Variants in KIF26B observed in about 807,000 individuals in gnomAD.
The protein encoded by KIF26B is kinesin-like protein KIF26B.
In KIF26B, 63 loss-of-function variants were observed where a neutral mutation model predicts 151.2. That is an observed-to-expected ratio of 0.42 (90% CI 0.34 to 0.51). The LOEUF is 0.51. Ranked by LOEUF, KIF26B falls within the 20% of genes least tolerant of loss-of-function variation. The pLI is 0.07. For synonymous variants in KIF26B, 1,357 were observed against 1,262.1 expected, an observed-to-expected ratio of 1.08 and a Z score of -1.59; for missense variants, 2,813 against 2,913.6, an observed-to-expected ratio of 0.97 and a Z score of 0.79.
chr1:245,580,964 C>T (rs2043169818), intron 5 of KIF26B, among the ~76,000 whole-genome samples: 1 of 152,220 alleles, frequency 6.6e-6, no homozygotes, highest in African/African-American at 2.4e-5. Context: ...ATTAGAATGA[C>T]GCAGACCCGA....
chr1:245,407,384 T>G (rs1476326760), intron 3 of KIF26B, among the ~76,000 whole-genome samples: 2 of 152,178 alleles, frequency 1.3e-5, no homozygotes, highest in African/African-American at 4.8e-5. Context: ...GATGAACAAT[T>G]ACTGGTTTTC....
chr1:245,688,955 T>C (rs562971641), intron 12 of KIF26B, 148 bp downstream of exon 12: 2 of 1,069,408 alleles, frequency 1.9e-6, no homozygotes, highest in Admixed American at 3.1e-5. Flanking sequence ...CAAACCCCAC[T>C]GCCAGGGTGT....
At chr1:245,292,819 A>G (rs1211700422) in intron 2 of KIF26B, among the ~76,000 whole-genome samples, 1 of 152,168 alleles carries the variant, frequency 6.6e-6, no homozygotes, top group Non-Finnish European at 1.5e-5. Context: ...TCGCTGGGTC[A>G]CAGAAGCAAT....
intron 12 of KIF26B, among the ~76,000 whole-genome samples, chr1:245,694,358 C>T (rs1490487561): frequency 6.6e-6 from 1 of 152,208 alleles, no homozygotes; most frequent in Non-Finnish European, 1.5e-5. Context: ...GACTGTCTTC[C>T]TAGTGCCTAC....
At chr1:245,173,751 TC>T (rs953854607) in intron 2 of KIF26B, among the ~76,000 whole-genome samples, 6 of 151,508 alleles carry the variant, frequency 4.0e-5, no homozygotes, top group Middle Eastern at 3.4e-3. Context: ...GATGCAGGAG[TC>T]CCCCCCACCT....
At chr1:245,211,498 A>G (rs1292058310) in intron 2 of KIF26B, among the ~76,000 whole-genome samples, 3 of 152,014 alleles carry the variant, frequency 2.0e-5, no homozygotes, top group Admixed American at 6.6e-5. Context: ...CCTAGACTCA[A>G]GCAATCCTCC....
intron 9 of KIF26B, among the ~76,000 whole-genome samples, chr1:245,632,803 G>A (rs540381192): frequency 1.3e-5 from 2 of 152,338 alleles, no homozygotes; most frequent in East Asian, 3.9e-4. Flanking sequence ...AGCTACTCCG[G>A]AGGCCAAGGT....
chr1:245,440,219 T>TAA (rs1244957440), intron 4 of KIF26B, among the ~76,000 whole-genome samples: 11 of 130,158 alleles, frequency 8.5e-5, no homozygotes, highest in African/African-American at 5.7e-5. Flanking sequence ...AGACTCTGCC[T>TAA]AAAAAAAAAA....
chr1:245,538,613 C>T (rs1010881990), intron 4 of KIF26B, among the ~76,000 whole-genome samples: 4 of 152,112 alleles, frequency 2.6e-5, no homozygotes, highest in Non-Finnish European at 5.9e-5. Flanking sequence ...CAGTATCACT[C>T]CCTTCCCCTG....
chr1:245,288,972 G>C (rs943155101), intron 2 of KIF26B, among the ~76,000 whole-genome samples: 1 of 152,100 alleles, frequency 6.6e-6, no homozygotes, highest in African/African-American at 2.4e-5. Context: ...CTATGACACA[G>C]GCAGCTAACA....
At chr1:245,392,198 T>C (rs917909629) in intron 3 of KIF26B, among the ~76,000 whole-genome samples, 1 of 152,152 alleles carries the variant, frequency 6.6e-6, no homozygotes, top group Non-Finnish European at 1.5e-5. Flanking sequence ...TTACGAAACA[T>C]GAAGGGGTAG....
chr1:245,367,193 T>A lies in KIF26B; in HGVS notation c.825T>A (p.Asn275Lys), dbSNP rs1230905751. 1.2e-6 allele frequency: 2 copies of A among 1,608,910 alleles called. No individual in the cohort carries two copies. Among genetic ancestry groups the A allele is most frequent in the Non-Finnish European group, 1.7e-6 (2 of 1,177,790 alleles). The stretch of plus-strand genomic sequence containing the variant: ...AACCCAGCAGCCTTGGGGTCAGCAA[T>A]GGGGCGGAAAAGAAGAGCGGGTCCC... ...GSKPSSLGVSNGAEKKSGSPT... is the reference protein window; with the variant it reads ...GSKPSSLGVSKGAEKKSGSPT... Residue 275 changes from asparagine (N) to lysine (K), a missense_variant, in exon 3 of 15, where the codon AAT (asparagine) becomes AAA (lysine). Asn to Lys is a moderately conservative substitution (Grantham distance 94, BLOSUM62 0). Coordinates refer to ENST00000407071, the MANE Select transcript of KIF26B (RefSeq NM_018012.4). This position sits in a 1 kb window ranked among gnomAD's most constrained non-coding sequence, Gnocchi z 4.2.
Position 245,698,757 on chromosome 1 carries a change from G to T in KIF26B, c.6028-130G>T, listed in dbSNP as rs1028124335. The T allele has an allele frequency of 2.9e-5, 32 of 1,113,842 alleles. No individual in the cohort carries two copies. Among genetic ancestry groups the T allele is most frequent in the Middle Eastern group, 5.4e-4 (2 of 3,726 alleles). The allele number at this position is 1,113,842 out of a possible 1,614,324, so 69.0% of individuals were successfully genotyped here. Reference sequence around the variant, plus strand: ...GGTCTGTCAAGGGAGAATTTGGTGGGGATGACCCATGTCCCTCCCACACGT... The same window carrying T: ...GGTCTGTCAAGGGAGAATTTGGTGGTGATGACCCATGTCCCTCCCACACGT... On this transcript the variant is annotated intron_variant, in intron 13 of 14. Coordinates refer to ENST00000407071, the MANE Select transcript of KIF26B (RefSeq NM_018012.4). This position sits in a 1 kb window ranked among gnomAD's most constrained non-coding sequence, Gnocchi z 4.0.
chr1:245,393,930 G>A (rs1004742775), intron 3 of KIF26B, among the ~76,000 whole-genome samples: 1 of 152,154 alleles, frequency 6.6e-6, no homozygotes, highest in Admixed American at 6.5e-5. Context: ...GCTACCTGGG[G>A]GAGGGGAAGG....
chr1:245,528,107 T>G (rs1661280822), intron 4 of KIF26B, among the ~76,000 whole-genome samples: 1 of 151,856 alleles, frequency 6.6e-6, no homozygotes. Context: ...TGCACCTAAG[T>G]GCAGATGAAA....
intron 10 of KIF26B, among the ~76,000 whole-genome samples, chr1:245,649,631 CG>C (rs1328634488): frequency 6.6e-6 from 1 of 152,170 alleles, no homozygotes; most frequent in East Asian, 1.9e-4. Context: ...CGGAGGGTGG[CG>C]GGGGGAACAA....
intron 2 of KIF26B, among the ~76,000 whole-genome samples, chr1:245,290,469 A>G (rs921302699): frequency 2.0e-5 from 3 of 152,240 alleles, no homozygotes; most frequent in Non-Finnish European, 1.5e-5. Flanking sequence ...ATGATATGCT[A>G]AACAAGGGGT....
chr1:245,354,099 T>A (rs1672629298), intron 2 of KIF26B, among the ~76,000 whole-genome samples: 1 of 152,082 alleles, frequency 6.6e-6, no homozygotes, highest in South Asian at 2.1e-4. Context: ...CGCCAAACGC[T>A]TCATGACTCC....
At chr1:245,648,364 T>A (rs1404756766) in intron 10 of KIF26B, among the ~76,000 whole-genome samples, 5 of 152,128 alleles carry the variant, frequency 3.3e-5, no homozygotes, top group African/African-American at 1.2e-4. Flanking sequence ...AAATTGTTTT[T>A]ATGGCCCAGC....
Sources: gnomAD v4.1 joint callset for allele counts (sites outside exome capture counted in the v4.1 genomes callset) on GRCh38, gnomAD v4.1.1 for gene constraint, Gnocchi (gnomAD v3.1) non-coding constraint, MANE v1.5 for transcripts, NCBI Gene and HGNC (gene_info 2026-07-23, HGNC 2026-07-21) for gene names.